The following MIS18BP1 variants were observed in gnomAD, a reference collection of about 807,000 sequenced individuals.
MIS18BP1 encodes mis18-binding protein 1.
A neutral mutation model predicts 116.1 loss-of-function variants in MIS18BP1; 72 were observed. The observed-to-expected ratio is 0.62, with a 90% CI of 0.51 to 0.75. The LOEUF is 0.75. Among genes scored for constraint, MIS18BP1 ranks in the 30% least tolerant of loss-of-function variants. The pLI is 0.00. For synonymous variants in MIS18BP1, 386 were observed against 427.0 expected (o/e 0.90, Z 1.18); for missense variants, 1,363 against 1,303.2 (o/e 1.05, Z -0.71).
At chr14:45,247,474 T>A (rs1342424378) in intron 1 of MIS18BP1, 97 bp from the exon 2 acceptor site, 4 of 476,356 alleles carry the variant, frequency 8.4e-6, no homozygotes, top group Non-Finnish European at 1.5e-5. Flanking sequence ...TTAAAATGTT[T>A]AACTGGTTCA....
rs769783816 is a variant in MIS18BP1, at chr14:45,246,787, T to G, written c.500A>C (p.Lys167Thr). 5.1e-6 allele frequency: 8 copies of G among 1,579,752 alleles called. No individual in the cohort carries two copies. The stretch of plus-strand genomic sequence containing the variant: ...TGACTGGAATGATTTGTTGTTTTCC[T>G]TTTCTTCACATAGGTAGGTATGCTG... The part of the protein sequence containing the change: ...KLQHTYLCEE[K>T]ENNKSFQSDD... Residue 167 changes from lysine to threonine, a missense_variant, in exon 2 of 17, where the codon AAG (lysine) becomes ACG (threonine). Physicochemically the swap from Lys to Thr is moderately conservative, Grantham distance 78 (BLOSUM62 -1). Coordinates refer to ENST00000310806, the MANE Select transcript of MIS18BP1 (RefSeq NM_018353.5).
intron 14 of MIS18BP1, chr14:45,210,067 T>A (rs970466458): frequency 5.0e-6 from 1 of 199,806 alleles, no homozygotes; most frequent in Non-Finnish European, 9.9e-6. Context: ...AGAAAGACCA[T>A]CACTAATCTG....
At chr14:45,223,349 T>G (rs1195447642) in intron 11 of MIS18BP1, among the ~76,000 whole-genome samples, 43 of 152,228 alleles carry the variant, frequency 2.8e-4, no homozygotes, top group Admixed American at 6.5e-5. Flanking sequence ...GAAGCCAAGG[T>G]GGGCGGATCA....
At position 45,224,761 on chromosome 14, in the gene MIS18BP1, G is replaced by A. The variant is rs149107175; in HGVS notation, c.1841-15C>T. On this transcript the variant is annotated splice_polypyrimidine_tract_variant and intron_variant, in intron 10 of 16. Transcript: ENST00000310806. ...TTCAGTTGTCTCTTTAATTTCATAA[G>A]ACAAAACCAAAGACCAAAATCTCAA... The A allele has an allele frequency of 7.2e-5, 110 of 1,524,488 alleles. No individual in the cohort carries two copies. The African/African-American group carries it at 1.2e-3, about 17-fold the overall frequency. 94.4% of individuals were successfully genotyped at this position (1,524,488 alleles called of 1,614,324 possible).
At chr14:45,250,576 G>A (rs891356627) in intron 1 of MIS18BP1, among the ~76,000 whole-genome samples, 1 of 152,222 alleles carries the variant, frequency 6.6e-6, no homozygotes, top group African/African-American at 2.4e-5. Context: ...TCAGACTGGA[G>A]AAAGTATGTT....
At chr14:45,219,874 A>G (rs574190534) in intron 11 of MIS18BP1, among the ~76,000 whole-genome samples, 1 of 152,354 alleles carries the variant, frequency 6.6e-6, no homozygotes, top group African/African-American at 2.4e-5. Context: ...AATGTATTTA[A>G]TAAGAAATTA....
intron 2 of MIS18BP1, among the ~76,000 whole-genome samples, chr14:45,243,421 T>C (rs1891638221): frequency 6.6e-6 from 1 of 152,150 alleles, no homozygotes; most frequent in Non-Finnish European, 1.5e-5. Flanking sequence ...TGTAGGTTTC[T>C]CAACTAGATA....
intron 1 of MIS18BP1, among the ~76,000 whole-genome samples, chr14:45,250,299 T>C (rs1475725606): frequency 6.6e-6 from 1 of 152,150 alleles, no homozygotes; most frequent in Non-Finnish European, 1.5e-5. Context: ...AAAAATCGTC[T>C]ACAATTTCCT....
chr14:45,210,889 G>C (rs945036860), intron 13 of MIS18BP1, among the ~76,000 whole-genome samples: 2 of 152,264 alleles, frequency 1.3e-5, no homozygotes, highest in South Asian at 2.1e-4. Flanking sequence ...GGTCTGGGGG[G>C]ATAACAGTGC....
chr14:45,241,096 C>T (rs1320920516), intron 4 of MIS18BP1, among the ~76,000 whole-genome samples: 1 of 152,042 alleles, frequency 6.6e-6, no homozygotes, highest in Non-Finnish European at 1.5e-5. Flanking sequence ...AGAGTAAGGC[C>T]TCATTTAAAA....
chr14:45,236,861 A>G (rs1197545362), intron 5 of MIS18BP1, among the ~76,000 whole-genome samples: 1 of 152,176 alleles, frequency 6.6e-6, no homozygotes, highest in Admixed American at 6.5e-5. Context: ...TACAGATAGT[A>G]GGCAGCAGCA....
chr14:45,238,129 T>G (rs1408632378), intron 4 of MIS18BP1, among the ~76,000 whole-genome samples: 2 of 151,916 alleles, frequency 1.3e-5, no homozygotes, highest in African/African-American at 4.8e-5. Context: ...TTTTTTTTTT[T>G]TGTAAAGTTT....
At chr14:45,219,534 A>T (rs766102597) in intron 11 of MIS18BP1, among the ~76,000 whole-genome samples, 2 of 152,236 alleles carry the variant, frequency 1.3e-5, no homozygotes, top group Non-Finnish European at 2.9e-5. Context: ...GGAAGTAATG[A>T]GTTTTAAGCA....
chr14:45,214,531 C>A (rs556832235), intron 13 of MIS18BP1, among the ~76,000 whole-genome samples: 1 of 152,054 alleles, frequency 6.6e-6, no homozygotes, highest in Non-Finnish European at 1.5e-5. Context: ...CCAGGGGCGC[C>A]GCCCGGGGCC....
At chr14:45,250,745 C>T (rs1229119300) in intron 1 of MIS18BP1, among the ~76,000 whole-genome samples, 4 of 151,354 alleles carry the variant, frequency 2.6e-5, no homozygotes, top group Non-Finnish European at 4.4e-5. Flanking sequence ...GGCCAGGCCG[C>T]GTGCGGTGGC....
At chr14:45,211,528 A>C (rs959212626) in intron 13 of MIS18BP1, among the ~76,000 whole-genome samples, 9 of 152,204 alleles carry the variant, frequency 5.9e-5, no homozygotes, top group African/African-American at 2.2e-4. Context: ...CAAATTGAAG[A>C]CTGGAATTTC....
chr14:45,239,310 G>A (rs1340907614), intron 4 of MIS18BP1, among the ~76,000 whole-genome samples: 1 of 152,072 alleles, frequency 6.6e-6, no homozygotes, highest in Non-Finnish European at 1.5e-5. Flanking sequence ...AATGTCAGGT[G>A]GTGGTAATTA....
At chr14:45,208,554 G>A (rs958700103) in intron 14 of MIS18BP1, among the ~76,000 whole-genome samples, 4 of 151,910 alleles carry the variant, frequency 2.6e-5, no homozygotes, top group East Asian at 1.9e-4. Context: ...GACTGGTCTC[G>A]AACTTCTGAC....
At chr14:45,229,299 A>T (rs1891212243) in intron 8 of MIS18BP1, among the ~76,000 whole-genome samples, 1 of 152,072 alleles carries the variant, frequency 6.6e-6, no homozygotes, top group Non-Finnish European at 1.5e-5. Flanking sequence ...TGAGGCCAGG[A>T]GTAGGAGACC....
Sources: allele counts gnomAD v4.1 joint callset (sites outside exome capture counted in the v4.1 genomes callset), GRCh38; gene constraint gnomAD v4.1.1; transcripts MANE v1.5; gene names NCBI Gene and HGNC (gene_info 2026-07-23, HGNC 2026-07-21).